The following RBFOX1 variants were observed in gnomAD, a reference collection of about 807,000 sequenced individuals.
The protein encoded by RBFOX1 is RNA binding fox-1 homolog 1.
Under a neutral mutation model 57.7 loss-of-function variants are expected in RBFOX1, and 8 were observed. That is an observed-to-expected ratio of 0.14 (90% CI 0.08 to 0.25). The LOEUF is 0.25. Ranked by LOEUF, RBFOX1 falls within the 10% of genes least tolerant of loss-of-function variation. RBFOX1 has a pLI of 1.00. For missense variants in RBFOX1, 611 were observed against 548.5 expected (o/e 1.11, Z -1.14); for synonymous variants, 326 against 222.4 (o/e 1.47, Z -4.15).
At chr16:5,577,489 TC>T (rs975578793) in intron 2 of RBFOX1, among the ~76,000 whole-genome samples, 2 of 152,190 alleles carry the variant, frequency 1.3e-5, no homozygotes, top group Non-Finnish European at 1.5e-5. Context: ...GTGAGCTTTT[TC>T]CTCCCCCTAC....
chr16:6,232,757 G>A (rs2152907306), intron 1 of RBFOX1, among the ~76,000 whole-genome samples: 1 of 152,272 alleles, frequency 6.6e-6, no homozygotes, highest in South Asian at 2.1e-4. Context: ...GTTCATTAAT[G>A]CAGTGACCTC....
chr16:7,478,820 C>G (rs1317052675), intron 4 of RBFOX1, among the ~76,000 whole-genome samples: 2 of 152,012 alleles, frequency 1.3e-5, no homozygotes, highest in Non-Finnish European at 2.9e-5. Context: ...CCAACAATAC[C>G]CTGAGGATGT....
chr16:7,644,296 G>A (rs1027686449), intron 11 of RBFOX1, among the ~76,000 whole-genome samples: 1 of 152,126 alleles, frequency 6.6e-6, no homozygotes, highest in Non-Finnish European at 1.5e-5. Context: ...GTTAATCTCC[G>A]GGTCTGGCAA....
At chr16:5,694,384 A>C (rs775965341) in intron 3 of RBFOX1, among the ~76,000 whole-genome samples, 2 of 152,162 alleles carry the variant, frequency 1.3e-5, no homozygotes, top group Non-Finnish European at 2.9e-5. Flanking sequence ...CCGTCTACTT[A>C]GTGGGGCAGC....
chr16:7,020,336 C>G (rs2038613833), intron 3 of RBFOX1, among the ~76,000 whole-genome samples: 1 of 152,034 alleles, frequency 6.6e-6, no homozygotes, highest in Non-Finnish European at 1.5e-5. Flanking sequence ...AGTGATTCTC[C>G]TGCCTCAGCC....
Position 6,765,601 on chromosome 16 carries a change from G to C in RBFOX1, c.-16+110951G>C, listed in dbSNP as rs912150409. 5.9e-5 allele frequency among the ~76,000 whole-genome samples: 9 copies of C among 152,260 alleles called. No individual in the cohort carries two copies. In the South Asian group the frequency reaches 6.2e-4, roughly 11 times the overall value. ...GAAAACAGTACAGAGATTTTTCAAAGAAGTAAAAGTAGGTCTACCATTCGG... is the reference window on the plus strand; with the variant it reads ...GAAAACAGTACAGAGATTTTTCAAACAAGTAAAAGTAGGTCTACCATTCGG... On this transcript the variant is annotated intron_variant, in intron 3 of 15. Coordinates refer to ENST00000550418, the MANE Select transcript of RBFOX1 (RefSeq NM_018723.4).
chr16:6,802,110 A>G (rs565578627), intron 3 of RBFOX1, among the ~76,000 whole-genome samples: 1 of 152,194 alleles, frequency 6.6e-6, no homozygotes, highest in East Asian at 1.9e-4. Flanking sequence ...TCCTGTTAAG[A>G]AATCCTTCAG....
intron 1 of RBFOX1, among the ~76,000 whole-genome samples, chr16:5,424,167 ACT>A (rs951624577): frequency 1.3e-5 from 2 of 151,942 alleles, no homozygotes; most frequent in South Asian, 2.1e-4. Context: ...GAGAGTGTGC[ACT>A]CTCTCTCTCG....
chr16:7,101,383 G>T (rs542284386), intron 4 of RBFOX1, among the ~76,000 whole-genome samples: 3 of 152,290 alleles, frequency 2.0e-5, no homozygotes, highest in South Asian at 2.1e-4. Flanking sequence ...ATCAGTAATT[G>T]CAAGGAAACT....
chr16:7,328,463 G>A (rs1253587372), intron 4 of RBFOX1, among the ~76,000 whole-genome samples: 5 of 128,004 alleles, frequency 3.9e-5, no homozygotes, highest in Non-Finnish European at 6.2e-5. Flanking sequence ...CTGGGACAGA[G>A]CGAGACTCTG....
intron 2 of RBFOX1, among the ~76,000 whole-genome samples, chr16:5,571,958 A>G (rs1006669313): frequency 3.9e-5 from 6 of 152,324 alleles, no homozygotes; most frequent in East Asian, 1.9e-4. Context: ...CATAATTAAG[A>G]TAATGGACCT....
intron 4 of RBFOX1, among the ~76,000 whole-genome samples, chr16:7,291,509 A>T (rs911016109): frequency 3.3e-5 from 5 of 152,198 alleles, no homozygotes; most frequent in African/African-American, 1.2e-4. Context: ...GAACCAATTG[A>T]CTATTCAGAG....
chr16:5,406,239 A>G (rs1020358164), intron 1 of RBFOX1, among the ~76,000 whole-genome samples: 5 of 152,136 alleles, frequency 3.3e-5, no homozygotes, highest in Non-Finnish European at 7.4e-5. Context: ...GGATTTCCAG[A>G]CAAGAATAGC....
Position 5,597,654 on chromosome 16 carries a change from C to T in RBFOX1, c.259-1248C>T, listed in dbSNP as rs551618434. Among the ~76,000 whole-genome samples the T allele has an allele frequency of 1.2e-3, 186 of 152,160 alleles. 1 individual carries two copies. Among genetic ancestry groups the T allele is most frequent in the Middle Eastern group, 3.4e-3 (1 of 294 alleles). On this transcript the variant is annotated intron_variant, in intron 2 of 2. Coordinates refer to the RBFOX1 transcript ENST00000585867. ...ACCTCAGGTGATCTGTCCGCCTCGG[C>T]CTTGCTGACTTTTGATTAATGACAT... is the stretch of plus-strand genomic sequence containing the variant.
chr16:6,389,362 T>G (rs1284306006), intron 2 of RBFOX1, among the ~76,000 whole-genome samples: 2 of 152,230 alleles, frequency 1.3e-5, no homozygotes, highest in Admixed American at 6.5e-5. Flanking sequence ...CTTCATTTTT[T>G]TGTGTGTGTT....
At chr16:6,928,987 C>A (rs976299687) in intron 3 of RBFOX1, among the ~76,000 whole-genome samples, 1 of 152,130 alleles carries the variant, frequency 6.6e-6, no homozygotes, top group East Asian at 1.9e-4. Context: ...GTTCACGGTG[C>A]AAGCGTCATT....
chr16:6,829,215 C>T (rs570975462), intron 3 of RBFOX1, among the ~76,000 whole-genome samples: 1 of 143,522 alleles, frequency 7.0e-6, no homozygotes, highest in African/African-American at 2.6e-5. Flanking sequence ...AAAAGAAAAG[C>T]ATTTTAAAGG....
intron 4 of RBFOX1, among the ~76,000 whole-genome samples, chr16:7,206,115 T>G (rs1663985872): frequency 6.6e-6 from 1 of 152,218 alleles, no homozygotes. Context: ...GCTTACCTGA[T>G]AGTCTAATTT....
At chr16:6,638,500 T>C (rs1372334597) in intron 2 of RBFOX1, among the ~76,000 whole-genome samples, 1 of 152,192 alleles carries the variant, frequency 6.6e-6, no homozygotes, top group African/African-American at 2.4e-5. Context: ...AAAATATGCT[T>C]CTGGCATATT....
Sources: gnomAD v4.1 joint callset for allele counts (sites outside exome capture counted in the v4.1 genomes callset) on GRCh38, gnomAD v4.1.1 for gene constraint, MANE v1.5 for transcripts, NCBI Gene and HGNC (gene_info 2026-07-23, HGNC 2026-07-21) for gene names.